The following ENOX1 variants were observed in gnomAD, a reference collection of about 807,000 sequenced individuals.
ENOX1 encodes ecto-NOX disulfide-thiol exchanger 1.
A neutral mutation model predicts 82.5 loss-of-function variants in ENOX1; 42 were observed. The observed-to-expected ratio is 0.51, with a 90% CI of 0.40 to 0.66. The LOEUF (loss-of-function observed/expected upper bound fraction) is 0.66, where lower values mean the gene tolerates loss of function less well. ENOX1 is among the 30% of genes least tolerant of loss of function. The pLI, the probability that ENOX1 is intolerant of heterozygous loss-of-function variation, is 0.00. For synonymous variants in ENOX1, 271 were observed against 282.2 expected (o/e 0.96, Z 0.40); for missense variants, 608 against 811.6 (o/e 0.75, Z 3.05).
intron 2 of ENOX1, among the ~76,000 whole-genome samples, chr13:43,510,983 T>C (rs911389194): frequency 1.3e-5 from 2 of 152,130 alleles, no homozygotes; most frequent in African/African-American, 2.4e-5. Context: ...ACTGCGAACT[T>C]TTTCTACTAA....
rs374624562 is a variant in ENOX1 at position 43,481,468 on chromosome 13, G to T, written c.-75+2541C>A. ...GAAAACTGTATATCCACATGCCACA[G>T]AATAAAACTGGATCCTTATTTTATA... On this transcript the variant is annotated intron_variant, in intron 3 of 16. Transcript: ENST00000690772. Among the ~76,000 whole-genome samples, 8 of 152,082 alleles carry T rather than the reference G, an allele frequency of 5.3e-5. No individual in the cohort carries two copies. In the East Asian group the frequency reaches 1.2e-3, roughly 22 times the overall value.
chr13:43,784,830 C>A (rs1400682536), intron 1 of ENOX1, among the ~76,000 whole-genome samples: 1 of 152,140 alleles, frequency 6.6e-6, no homozygotes, highest in African/African-American at 2.4e-5. Flanking sequence ...ATAAGAATTA[C>A]AATATTCTTA....
chr13:43,378,793 T>C (rs1237860795), intron 5 of ENOX1, among the ~76,000 whole-genome samples: 1 of 152,158 alleles, frequency 6.6e-6, no homozygotes, highest in Non-Finnish European at 1.5e-5. Flanking sequence ...AATTAAAAAT[T>C]ACCAGGTATG....
At chr13:43,504,356 G>C (rs2077079086) in intron 2 of ENOX1, among the ~76,000 whole-genome samples, 1 of 151,754 alleles carries the variant, frequency 6.6e-6, no homozygotes, top group African/African-American at 2.4e-5. Flanking sequence ...GTCACAAAGA[G>C]ATTTCTGCAC....
intron 1 of ENOX1, among the ~76,000 whole-genome samples, chr13:43,724,529 T>C (rs1010813907): frequency 1.3e-5 from 2 of 152,238 alleles, no homozygotes; most frequent in African/African-American, 4.8e-5. Flanking sequence ...CCTGTACCTA[T>C]GCACAAGGAC....
intron 12 of ENOX1, among the ~76,000 whole-genome samples, chr13:43,277,440 T>A (rs1206052765): frequency 6.6e-6 from 1 of 151,926 alleles, no homozygotes; most frequent in African/African-American, 2.4e-5. Context: ...AACCCTGGGG[T>A]CATGCCTATC....
chr13:43,716,012 G>A (rs541686103), intron 1 of ENOX1, among the ~76,000 whole-genome samples: 1 of 152,180 alleles, frequency 6.6e-6, no homozygotes, highest in Non-Finnish European at 1.5e-5. Context: ...ATTTCCTCCT[G>A]TAGCTCGGAA....
At chr13:43,316,582 A>G (rs117767172) in intron 11 of ENOX1, among the ~76,000 whole-genome samples, 188 of 152,252 alleles carry the variant, frequency 1.2e-3, no homozygotes, top group Non-Finnish European at 2.4e-3. Flanking sequence ...TACAGGATCA[A>G]TTTAAATAGC....
chr13:43,762,135 C>T (rs1008519431), intron 1 of ENOX1, among the ~76,000 whole-genome samples: 1 of 151,974 alleles, frequency 6.6e-6, no homozygotes, highest in Non-Finnish European at 1.5e-5. Context: ...CTCGATTAAG[C>T]GGGAAACTCA....
Position 43,684,611 on chromosome 13 carries a change from T to C in ENOX1, c.-284-17067A>G, listed in dbSNP as rs2085969542. 2.0e-5 allele frequency among the ~76,000 whole-genome samples: 3 copies of C among 152,118 alleles called. No individual in the cohort carries two copies. The South Asian group carries it at 6.2e-4, about 32-fold the overall frequency. ...TAACAACTGGAGAATAATAATATATTTGTTTTTGAGGCCCTGGAACATCTC... is the reference window on the plus strand; with the variant it reads ...TAACAACTGGAGAATAATAATATATCTGTTTTTGAGGCCCTGGAACATCTC... On this transcript the variant is annotated intron_variant, in intron 1 of 16. Transcript: ENST00000690772.
chr13:43,410,220 G>A (rs532646286), intron 5 of ENOX1, among the ~76,000 whole-genome samples: 58 of 152,292 alleles, frequency 3.8e-4, no homozygotes, highest in African/African-American at 1.4e-3. Context: ...GAGGTGAGAC[G>A]AGAGTAAGTA....
intron 1 of ENOX1, among the ~76,000 whole-genome samples, chr13:43,757,337 G>C (rs1003080936): frequency 1.3e-5 from 2 of 152,208 alleles, no homozygotes; most frequent in African/African-American, 4.8e-5. Context: ...TACAGGGGGA[G>C]TGAAAGTGTG....
chr13:43,330,802 T>C (rs2048369212), intron 9 of ENOX1, among the ~76,000 whole-genome samples: 1 of 152,176 alleles, frequency 6.6e-6, no homozygotes, highest in Non-Finnish European at 1.5e-5. Flanking sequence ...GGTTATTCAT[T>C]AGCTTACACA....
At chr13:43,591,814 G>A (rs1377024265) in intron 2 of ENOX1, among the ~76,000 whole-genome samples, 2 of 152,124 alleles carry the variant, frequency 1.3e-5, no homozygotes, top group African/African-American at 2.4e-5. Context: ...CACGAATACT[G>A]CCAAAGGAGT....
chr13:43,341,425 T>C (rs2049052106), intron 9 of ENOX1, among the ~76,000 whole-genome samples: 1 of 151,760 alleles, frequency 6.6e-6, no homozygotes, highest in Admixed American at 6.6e-5. Context: ...ACACAGAGTA[T>C]GGGAAAGGGC....
At chr13:43,580,850 T>C (rs559922020) in intron 2 of ENOX1, among the ~76,000 whole-genome samples, 8 of 152,346 alleles carry the variant, frequency 5.3e-5, no homozygotes, top group African/African-American at 1.9e-4. Context: ...TTTAGAAACT[T>C]GAGAAGTTTT....
chr13:43,259,876 G>A (rs1019593663), intron 14 of ENOX1, among the ~76,000 whole-genome samples: 5 of 152,160 alleles, frequency 3.3e-5, no homozygotes, highest in African/African-American at 1.2e-4. Context: ...TCAAGATCGG[G>A]GCCCCTAAGA....
intron 2 of ENOX1, among the ~76,000 whole-genome samples, chr13:43,598,848 G>A (rs2081580423): frequency 6.6e-6 from 1 of 152,046 alleles, no homozygotes; most frequent in Non-Finnish European, 1.5e-5. Flanking sequence ...AGGCTCTAAA[G>A]GAAAGAGCAA....
At chr13:43,369,969 C>CA (rs1347240367) in intron 5 of ENOX1, among the ~76,000 whole-genome samples, 1 of 152,250 alleles carries the variant, frequency 6.6e-6, no homozygotes, top group Non-Finnish European at 1.5e-5. Flanking sequence ...GTTTTGCTCT[C>CA]ACCACAGCAT....
Sources: allele counts gnomAD v4.1 joint callset (sites outside exome capture counted in the v4.1 genomes callset), GRCh38; gene constraint gnomAD v4.1.1; transcripts MANE v1.5; gene names NCBI Gene and HGNC (gene_info 2026-07-23, HGNC 2026-07-21).